The following MXD1 variants were observed in gnomAD, a reference collection of about 807,000 sequenced individuals.
MXD1 encodes MAX dimerization protein 1.
In MXD1, 9 loss-of-function variants were observed where a neutral mutation model predicts 25.7. That is an observed-to-expected ratio of 0.35 (90% CI 0.21 to 0.61). The LOEUF (loss-of-function observed/expected upper bound fraction) is 0.61, where lower values mean the gene tolerates loss of function less well. Among genes scored for constraint, MXD1 ranks in the 20% least tolerant of loss-of-function variants. The pLI, the probability that MXD1 is intolerant of heterozygous loss-of-function variation, is 0.75. For synonymous variants in MXD1, 99 were observed against 113.9 expected (o/e 0.87, Z 0.83); for missense variants, 227 against 292.4 (o/e 0.78, Z 1.63).
In MXD1 at chr2:69,935,369, G is replaced by A. The variant is rs1677401517; in HGVS notation, c.222G>A (p.Leu74=). 5 of 1,614,000 alleles carry A rather than the reference G, an allele frequency of 3.1e-6. No homozygotes were observed. Among genetic ancestry groups the A allele is most frequent in the Non-Finnish European group, 4.2e-6 (5 of 1,179,852 alleles). ...MEKNRRAHLR[L]CLEKLKGLVP... The stretch of plus-strand genomic sequence containing the variant: ...TTCATAGACGGGCTCATCTTCGCTT[G>A]TGCCTGGAGAAGTTGAAGGGGCTGG... The change falls in exon 4 of 6, where the codon TTG becomes TTA. Residue 74 remains leucine, a synonymous_variant. Coordinates refer to ENST00000264444, the MANE Select transcript of MXD1 (RefSeq NM_002357.4).
At chr2:69,925,743 T>G (rs1677157114) in intron 3 of MXD1, among the ~76,000 whole-genome samples, 1 of 152,190 alleles carries the variant, frequency 6.6e-6, no homozygotes, top group South Asian at 2.1e-4. Flanking sequence ...AAACAATGCT[T>G]TCTTAAACCA....
rs1677565718 is a variant in MXD1 at position 69,940,265 on chromosome 2, G to C, written c.*1981G>C. On this transcript the variant is annotated 3_prime_UTR_variant, in exon 6 of 6. Transcript: ENST00000264444. Reference sequence around the variant, plus strand: ...AAAGCCTGCTTCCTGGATTTAAGCAGAGTGATAGTGTTCAAAGAGCCAGTT... The same window carrying C: ...AAAGCCTGCTTCCTGGATTTAAGCACAGTGATAGTGTTCAAAGAGCCAGTT... The C allele has an allele frequency of 6.6e-6, 1 of 151,828 alleles. No homozygotes were observed. Among genetic ancestry groups the C allele is most frequent in the African/African-American group, 2.4e-5 (1 of 41,290 alleles). The allele number at this position is 151,828 out of a possible 1,614,324, so 9.4% of individuals were successfully genotyped here. A position where few individuals can be genotyped will look rare whatever the true frequency, so the allele number is the denominator to read the frequency against.
chr2:69,918,925 C>T (rs972500271), intron 2 of MXD1, among the ~76,000 whole-genome samples: 1 of 152,116 alleles, frequency 6.6e-6, no homozygotes, highest in African/African-American at 2.4e-5. Context: ...TTTGAAAGGG[C>T]TGCTTTTTAT....
At position 69,938,114 on chromosome 2, in the gene MXD1, G is replaced by A. The variant is rs185788603; in HGVS notation, c.496G>A (p.Val166Met). Residue 166 changes from valine (V) to methionine (M), a missense_variant, in exon 6 of 6, where the codon GTG becomes ATG. By Grantham distance (21) the Val-to-Met change is conservative (BLOSUM62 1). Coordinates refer to ENST00000264444, the MANE Select transcript of MXD1 (RefSeq NM_002357.4). ...CCCTGCAGAAGAAATCGACGTTGAC[G>A]TGGAGAGCACGGACTATCTCACAGG... ...DSDREEIDVD[V>M]ESTDYLTGDL... 2.2e-5 allele frequency: 35 copies of A among 1,613,962 alleles called. No homozygotes were observed. The highest frequency in any genetic ancestry group is 2.7e-5 in the Non-Finnish European group (32 of 1,179,968).
chr2:69,919,173 A>G (rs1008166160), intron 2 of MXD1, among the ~76,000 whole-genome samples: 2 of 152,164 alleles, frequency 1.3e-5, no homozygotes, highest in African/African-American at 4.8e-5. Context: ...TAGTTTATAT[A>G]TTTTCAAAGA....
At position 69,935,428 on chromosome 2, in the gene MXD1, C is replaced by T. The variant is rs767887648; in HGVS notation, c.281C>T (p.Thr94Met). The T allele has an allele frequency of 8.1e-6, 13 of 1,613,872 alleles. No homozygotes were observed. Among genetic ancestry groups the T allele is most frequent in the African/African-American group, 1.3e-5 (1 of 74,904 alleles). The change falls in exon 4 of 6, where the codon ACG becomes ATG. Residue 94 changes from threonine to methionine, a missense_variant. Thr to Met is a moderately conservative substitution (Grantham distance 81, BLOSUM62 -1). Transcript: ENST00000264444. Reference sequence around the variant, plus strand: ...GGACCCGAATCAAGTCGACACACTACGTTGAGTTTATTAACAAAAGCCAAA... The same window carrying T: ...GGACCCGAATCAAGTCGACACACTATGTTGAGTTTATTAACAAAAGCCAAA... ...PLGPESSRHT[T>M]LSLLTKAKLH...
At chr2:69,934,780 T>A (rs984236528) in intron 3 of MXD1, among the ~76,000 whole-genome samples, 6 of 152,254 alleles carry the variant, frequency 3.9e-5, no homozygotes, top group African/African-American at 1.4e-4. Flanking sequence ...TCATTCTTTT[T>A]GATAGCTACA....
At chr2:69,916,057 G>C in intron 1 of MXD1, 64 bp from the exon 2 acceptor site, 3 of 856,982 alleles carry the variant, frequency 3.5e-6, no homozygotes, top group Non-Finnish European at 4.0e-6. Context: ...AGGAAATACT[G>C]TAGAGAGGAG....
intron 3 of MXD1, among the ~76,000 whole-genome samples, chr2:69,933,025 C>G (rs544872146): frequency 6.6e-6 from 1 of 151,684 alleles, no homozygotes; most frequent in South Asian, 2.1e-4. Context: ...ATGGTGAAAC[C>G]CCATCTCTGC....
rs1448078757 is a variant in MXD1 at position 69,939,098 on chromosome 2, T to A, written c.*814T>A. On this transcript the variant is annotated 3_prime_UTR_variant, in exon 6 of 6. Coordinates refer to ENST00000264444, the MANE Select transcript of MXD1 (RefSeq NM_002357.4). ...ACATTTTTTTTTCCTACCTCAGAGA[T>A]AAATGAGATCTCCATTTCCCACTTA... 1 of 152,610 alleles carries A rather than the reference T, an allele frequency of 6.6e-6. No individual in the cohort carries two copies. The highest frequency in any genetic ancestry group is 1.5e-5 in the Non-Finnish European group (1 of 68,040). The allele number at this position is 152,610 out of a possible 1,614,324, so 9.5% of individuals were successfully genotyped here.
Position 69,915,475 on chromosome 2 carries a change from C to G in MXD1, c.73+72C>G. The stretch of plus-strand genomic sequence containing the variant: ...CTGTGGGGCCGGCCTCAGGTCCGGG[C>G]GCCCAGCCGCTCCGGGGGTGGTTGG... On this transcript the variant is annotated intron_variant, in intron 1 of 5. Coordinates refer to ENST00000264444, the MANE Select transcript of MXD1 (RefSeq NM_002357.4). The surrounding 1 kb of genome is among the most constrained non-coding windows in gnomAD (Gnocchi z 5.8). The G allele has an allele frequency of 2.5e-6, 3 of 1,189,846 alleles. No individual in the cohort carries two copies. Among genetic ancestry groups the G allele is most frequent in the Non-Finnish European group, 3.2e-6 (3 of 933,766 alleles). The allele number at this position is 1,189,846 out of a possible 1,614,324, so 73.7% of individuals were successfully genotyped here. A position where few individuals can be genotyped will look rare whatever the true frequency, so the allele number is the denominator to read the frequency against.
chr2:69,928,509 G>A (rs112637240), intron 3 of MXD1, among the ~76,000 whole-genome samples: 21 of 152,244 alleles, frequency 1.4e-4, no homozygotes, highest in African/African-American at 4.6e-4. Flanking sequence ...TCATCTACAC[G>A]TTTGAGCACT....
At chr2:69,928,996 C>T (rs916982378) in intron 3 of MXD1, among the ~76,000 whole-genome samples, 1 of 152,120 alleles carries the variant, frequency 6.6e-6, no homozygotes, top group Non-Finnish European at 1.5e-5. Context: ...CAGGTTCAAG[C>T]GATTCTTGTG....
At chr2:69,920,383 C>G (rs570644307) in intron 2 of MXD1, among the ~76,000 whole-genome samples, 63 of 152,294 alleles carry the variant, frequency 4.1e-4, no homozygotes, top group Admixed American at 2.7e-3. Context: ...AAAATACTGT[C>G]ATTTTCTCAT....
intron 4 of MXD1, among the ~76,000 whole-genome samples, chr2:69,936,752 A>G (rs1677454244): frequency 6.6e-6 from 1 of 152,184 alleles, no homozygotes; most frequent in African/African-American, 2.4e-5. Context: ...CTGCTAACAA[A>G]CAGAAGTTAA....
rs1424600707 is a variant in MXD1, at chr2:69,940,909, T to G, written c.*2625T>G. 6.5e-6 allele frequency: 1 copy of G among 152,690 alleles called. No individual in the cohort carries two copies. The highest frequency in any genetic ancestry group is 1.5e-5 in the Non-Finnish European group (1 of 68,068). 9.5% of individuals were successfully genotyped at this position (152,690 alleles called of 1,614,324 possible). On this transcript the variant is annotated 3_prime_UTR_variant, in exon 6 of 6. Transcript: ENST00000264444. ...CCGTGCGGCTGATCGGCAGCCCTGA[T>G]TCGCCAATTTGTCCTCTCTCATTCA...
At chr2:69,918,287 G>C (rs564278568) in intron 2 of MXD1, among the ~76,000 whole-genome samples, 9 of 152,120 alleles carry the variant, frequency 5.9e-5, no homozygotes, top group Non-Finnish European at 1.0e-4. Context: ...TAGAGTCTAG[G>C]GAAGTACTTT....
rs1281526532 is a variant in MXD1 at position 69,941,438 on chromosome 2, T to A, written c.*3154T>A. On this transcript the variant is annotated 3_prime_UTR_variant, in exon 6 of 6. Transcript: ENST00000264444. ...AGTCACACACCTAATGCTAGTTTAG[T>A]GATTCAAAATGCATCACATTTTTAG... The A allele has an allele frequency of 6.6e-6, 1 of 152,228 alleles. No homozygotes were observed. The highest frequency in any genetic ancestry group is 1.5e-5 in the Non-Finnish European group (1 of 68,036). 9.4% of individuals were successfully genotyped at this position (152,228 alleles called of 1,614,324 possible).
chr2:69,935,276 G>A, intron 3 of MXD1, 75 bp from the exon 4 acceptor site: 3 of 1,047,662 alleles, frequency 2.9e-6, no homozygotes, highest in Non-Finnish European at 4.4e-6. Flanking sequence ...CACACTCTTT[G>A]AGAACTCATT....
Sources: gnomAD v4.1 joint callset for allele counts (sites outside exome capture counted in the v4.1 genomes callset) on GRCh38, gnomAD v4.1.1 for gene constraint, Gnocchi (gnomAD v3.1) non-coding constraint, MANE v1.5 for transcripts, NCBI Gene and HGNC (gene_info 2026-07-23, HGNC 2026-07-21) for gene names.